SLC35D2: variants seen among roughly 807,000 people sequenced by gnomAD.
SLC35D2 encodes the protein solute carrier family 35 member D2.
A neutral mutation model predicts 41.8 loss-of-function variants in SLC35D2; 43 were observed. The observed-to-expected ratio is 1.03, with a 90% CI of 0.81 to 1.33. SLC35D2 has a LOEUF of 1.33. SLC35D2 is among the 40% of genes most tolerant of loss of function. The pLI, the probability that SLC35D2 is intolerant of heterozygous loss-of-function variation, is 0.00. For synonymous variants in SLC35D2, 150 were observed against 163.9 expected, an observed-to-expected ratio of 0.92 and a Z score of 0.65; for missense variants, 380 against 408.4, an observed-to-expected ratio of 0.93 and a Z score of 0.60.
intron 1 of SLC35D2, among the ~76,000 whole-genome samples, chr9:96,369,655 A>C (rs571680324): frequency 8.1e-4 from 123 of 152,336 alleles, no homozygotes; most frequent in Non-Finnish European, 1.9e-4. Context: ...GACATAGATG[A>C]TGCTGCAGAG....
chr9:96,370,287 G>A (rs1419673962), intron 1 of SLC35D2, among the ~76,000 whole-genome samples: 3 of 152,086 alleles, frequency 2.0e-5, no homozygotes, highest in African/African-American at 4.8e-5. Context: ...TATTTCCTAC[G>A]CCTCTGAGAA....
At chr9:96,339,763 C>G (rs1829231273) in intron 8 of SLC35D2, among the ~76,000 whole-genome samples, 1 of 151,986 alleles carries the variant, frequency 6.6e-6, no homozygotes, top group Admixed American at 6.6e-5. Flanking sequence ...TTTCCAAGGG[C>G]CTAATTTGTT....
intron 4 of SLC35D2, among the ~76,000 whole-genome samples, chr9:96,352,758 C>A (rs1250110219): frequency 6.6e-6 from 1 of 151,988 alleles, no homozygotes; most frequent in Non-Finnish European, 1.5e-5. Flanking sequence ...TCCTGACCGA[C>A]TGGGCACCGT....
intron 4 of SLC35D2, among the ~76,000 whole-genome samples, chr9:96,353,344 ATTATTTATTTAT>A (rs71308273): frequency 2.0e-5 from 3 of 149,652 alleles, no homozygotes; most frequent in Non-Finnish European, 3.0e-5. Flanking sequence ...GCTGCAAAGG[ATTATTTATTTAT>A]TTATTTATTT....
At chr9:96,323,702 G>A (rs1416680110) in intron 10 of SLC35D2, among the ~76,000 whole-genome samples, 1 of 152,048 alleles carries the variant, frequency 6.6e-6, no homozygotes, top group African/African-American at 2.4e-5. Context: ...CGAGGTGGGT[G>A]GATCACGAGG....
exon 12 of SLC35D2, among the ~76,000 whole-genome samples, chr9:96,313,463 T>C (rs1420508640): frequency 1.3e-5 from 2 of 152,228 alleles, no homozygotes; most frequent in African/African-American, 4.8e-5. Context: ...AGAGTTTTTA[T>C]TAGGGCTTCA....
At chr9:96,383,393 C>T (rs896540230) in intron 1 of SLC35D2, 84 bp downstream of exon 1, 6 of 1,168,078 alleles carry the variant, frequency 5.1e-6, no homozygotes, top group Non-Finnish European at 7.0e-6. Context: ...CCCACCCGCC[C>T]TGTCCCGGGC....
chr9:96,383,383 C>T lies in SLC35D2; in HGVS notation c.158+94G>A, dbSNP rs1587736345. The T allele has an allele frequency of 1.1e-5, 11 of 1,007,910 alleles. No individual in the cohort carries two copies. In the East Asian group the frequency reaches 4.0e-4, roughly 37 times the overall value. 62.4% of individuals were successfully genotyped at this position (1,007,910 alleles called of 1,614,324 possible). ...CAGCTGAGACTCGAGGGTCCCTGTC[C>T]CCACCCGCCCTGTCCCGGGCGCCGC... On this transcript the variant is annotated intron_variant, in intron 1 of 11. Transcript: ENST00000253270.
chr9:96,341,414 A>G (rs974739715), intron 8 of SLC35D2, among the ~76,000 whole-genome samples: 2 of 152,352 alleles, frequency 1.3e-5, no homozygotes, highest in Admixed American at 1.3e-4. Context: ...TGAAGTAAAT[A>G]AAGATGACAG....
intron 1 of SLC35D2, among the ~76,000 whole-genome samples, chr9:96,381,002 G>A (rs115785957): frequency 0.014 from 2,056 of 152,180 alleles, 42 homozygotes; most frequent in African/African-American, 0.046. Flanking sequence ...TTTTACCTCC[G>A]CTGCTATGCC....
intron 9 of SLC35D2, among the ~76,000 whole-genome samples, chr9:96,329,174 T>G (rs1169213047): frequency 6.6e-6 from 1 of 151,896 alleles, no homozygotes; most frequent in Non-Finnish European, 1.5e-5. Context: ...GACATTTACA[T>G]ATATACACAC....
intron 8 of SLC35D2, among the ~76,000 whole-genome samples, chr9:96,337,764 C>G (rs1478535709): frequency 2.0e-5 from 3 of 151,444 alleles, no homozygotes; most frequent in Non-Finnish European, 4.4e-5. Flanking sequence ...GGTAGATCAC[C>G]TGAGGTCAGG....
intron 9 of SLC35D2, among the ~76,000 whole-genome samples, chr9:96,332,034 T>G (rs1828833184): frequency 6.6e-6 from 1 of 152,236 alleles, no homozygotes; most frequent in Non-Finnish European, 1.5e-5. Context: ...TGGTTTACAG[T>G]GTCTTTCAGG....
At chr9:96,331,570 T>C (rs1828811387) in intron 9 of SLC35D2, among the ~76,000 whole-genome samples, 1 of 152,078 alleles carries the variant, frequency 6.6e-6, no homozygotes, top group African/African-American at 2.4e-5. Flanking sequence ...AAATTCTCCT[T>C]GGAAAAAGCA....
rs529123838 is a variant in SLC35D2 at position 96,374,700 on chromosome 9, T to A, written c.159-6395A>T. On this transcript the variant is annotated intron_variant, in intron 1 of 11. Transcript: ENST00000253270. Reference sequence around the variant, plus strand: ...AAATAAAAAAAAAATTAGCCGAGCGTGGTGGCAGGCGCCTGTAGTCCCAGC... The same window carrying A: ...AAATAAAAAAAAAATTAGCCGAGCGAGGTGGCAGGCGCCTGTAGTCCCAGC... Among the ~76,000 whole-genome samples, 16 of 150,344 alleles carry A rather than the reference T, an allele frequency of 1.1e-4. 1 individual carries two copies. In the East Asian group the frequency reaches 3.0e-3, roughly 28 times the overall value.
intron 9 of SLC35D2, among the ~76,000 whole-genome samples, chr9:96,335,250 G>A (rs373169622): frequency 9.9e-5 from 15 of 152,212 alleles, no homozygotes; most frequent in South Asian, 4.1e-4. Flanking sequence ...ATGAATGCCC[G>A]CTCAGGGAGG....
rs1183188530 is a variant in SLC35D2, at chr9:96,364,691, C to G, written c.193-141G>C. 8.9e-6 allele frequency: 6 copies of G among 673,254 alleles called. No homozygotes were observed. In the African/African-American group the frequency reaches 1.1e-4, roughly 12 times the overall value. 41.7% of individuals were successfully genotyped at this position (673,254 alleles called of 1,614,324 possible). On this transcript the variant is annotated intron_variant, in intron 2 of 11. Coordinates refer to ENST00000253270, the MANE Select transcript of SLC35D2 (RefSeq NM_007001.3). ...TTTTCTAGGTTCCAGAAAAAAATAA[C>G]TATTTCTTAGAATATTAACATTGTT...
At chr9:96,356,145 G>C (rs1433388972) in intron 4 of SLC35D2, among the ~76,000 whole-genome samples, 1 of 152,180 alleles carries the variant, frequency 6.6e-6, no homozygotes, top group Non-Finnish European at 1.5e-5. Flanking sequence ...CCCCTCTCTT[G>C]CCATGGGATC....
At chr9:96,341,652 A>C (rs1410436578) in intron 8 of SLC35D2, among the ~76,000 whole-genome samples, 1 of 152,248 alleles carries the variant, frequency 6.6e-6, no homozygotes, top group African/African-American at 2.4e-5. Context: ...TCACATGAGA[A>C]AGCAGAAGAT....
Sources: allele counts gnomAD v4.1 joint callset (sites outside exome capture counted in the v4.1 genomes callset), GRCh38; gene constraint gnomAD v4.1.1; transcripts MANE v1.5; gene names NCBI Gene and HGNC (gene_info 2026-07-23, HGNC 2026-07-21).